PGM3: variants seen among roughly 807,000 people sequenced by gnomAD.
The protein encoded by PGM3 is phosphoacetylglucosamine mutase.
Under a neutral mutation model 66.2 loss-of-function variants are expected in PGM3, and 40 were observed. The observed-to-expected ratio is 0.60, with a 90% confidence interval of 0.47 to 0.79. PGM3 has a LOEUF of 0.79. Ranked by LOEUF, PGM3 falls within the 30% of genes least tolerant of loss-of-function variation. PGM3 has a pLI of 0.00. For synonymous variants in PGM3, 191 were observed against 224.2 expected (o/e 0.85, Z 1.32); for missense variants, 537 against 643.4 (o/e 0.83, Z 1.79).
intron 1 of PGM3, chr6:83,191,279 G>A (rs537090803): frequency 6.6e-7 from 1 of 1,517,392 alleles, no homozygotes; most frequent in South Asian, 1.2e-5. Context: ...TTTAGCTCCA[G>A]GACTATCCTG....
At chr6:83,188,254 G>A (rs868334106) in intron 3 of PGM3, among the ~76,000 whole-genome samples, 1 of 151,998 alleles carries the variant, frequency 6.6e-6, no homozygotes, top group Middle Eastern at 3.2e-3. Flanking sequence ...AGATTACAAA[G>A]TAAATCTTTA....
chr6:83,192,364 T>C (rs759644122), intron 1 of PGM3, among the ~76,000 whole-genome samples: 1 of 152,232 alleles, frequency 6.6e-6, no homozygotes, highest in Non-Finnish European at 1.5e-5. Flanking sequence ...CCTCAGTCAG[T>C]AGTTTTCCTT....
At chr6:83,175,747 T>C (rs1787716800) in intron 9 of PGM3, among the ~76,000 whole-genome samples, 1 of 152,214 alleles carries the variant, frequency 6.6e-6, no homozygotes, top group South Asian at 2.1e-4. Flanking sequence ...CAAAACACCT[T>C]AGTATATCTC....
intron 4 of PGM3, among the ~76,000 whole-genome samples, chr6:83,185,901 G>C (rs972780675): frequency 1.3e-5 from 2 of 152,164 alleles, no homozygotes; most frequent in Admixed American, 6.5e-5. Flanking sequence ...AGAGACAGAA[G>C]AGGAGCCAAC....
chr6:83,167,443 T>TA lies in PGM3; in HGVS notation c.*1790dup. 1 of 983,402 alleles carries TA rather than the reference T, an allele frequency of 1.0e-6. No individual in the cohort carries two copies. The highest frequency in any genetic ancestry group is 1.2e-6 in the Non-Finnish European group (1 of 827,636). 60.9% of individuals were successfully genotyped at this position (983,402 alleles called of 1,614,324 possible). On this transcript the variant is annotated 3_prime_UTR_variant, in exon 13 of 13. Coordinates refer to ENST00000513973, the MANE Select transcript of PGM3 (RefSeq NM_015599.3). ...ATTAACTAATTATAATAAAAGGGGATATATTATGAAATGTATAAAGCACTT... is the reference window on the plus strand; with the variant it reads ...ATTAACTAATTATAATAAAAGGGGATAATATTATGAAATGTATAAAGCACTT...
chr6:83,185,468 TAAC>T (rs1370880716), intron 4 of PGM3, among the ~76,000 whole-genome samples: 14 of 152,036 alleles, frequency 9.2e-5, no homozygotes, highest in Non-Finnish European at 1.6e-4. Flanking sequence ...TTTGATGAAT[TAAC>T]AAATGAATGA....
chr6:83,168,669 T>C lies in PGM3; in HGVS notation c.*565A>G, dbSNP rs1297442750. On this transcript the variant is annotated 3_prime_UTR_variant, in exon 13 of 13. Coordinates refer to ENST00000513973, the MANE Select transcript of PGM3 (RefSeq NM_015599.3). ...GCTGGACCATGCATCCTTAAAAGTATTGCATGAGCATCTCCACCTCAGTAT... is the reference window on the plus strand; with the variant it reads ...GCTGGACCATGCATCCTTAAAAGTACTGCATGAGCATCTCCACCTCAGTAT... 8.0e-6 allele frequency: 8 copies of C among 994,858 alleles called. No individual in the cohort carries two copies. The highest frequency in any genetic ancestry group is 9.6e-6 in the Non-Finnish European group (8 of 835,674). The allele number at this position is 994,858 out of a possible 1,614,324, so 61.6% of individuals were successfully genotyped here.
In PGM3 at chr6:83,165,308, G is replaced by A. The variant is rs1353121464; in HGVS notation, c.*3926C>T. ...AGACTGGAAGCTAAATAATTGCTAG[G>A]AAGCAAACTTAAGTGATAGCTGTTA... is the stretch of plus-strand genomic sequence containing the variant. On this transcript the variant is annotated 3_prime_UTR_variant, in exon 13 of 13. Transcript: ENST00000513973. 1 of 152,430 alleles carries A rather than the reference G, an allele frequency of 6.6e-6. No individual in the cohort carries two copies. The highest frequency in any genetic ancestry group is 2.4e-5 in the African/African-American group (1 of 41,456). 9.4% of individuals were successfully genotyped at this position (152,430 alleles called of 1,614,324 possible).
downstream of PGM3, among the ~76,000 whole-genome samples, chr6:83,160,783 G>T (rs2128412447): frequency 6.6e-6 from 1 of 152,216 alleles, no homozygotes; most frequent in South Asian, 2.1e-4. Context: ...ATTATATTGT[G>T]TCTTATTTTT....
chr6:83,156,928 G>C (rs1181079146), downstream of PGM3, among the ~76,000 whole-genome samples: 1 of 152,162 alleles, frequency 6.6e-6, no homozygotes, highest in African/African-American at 2.4e-5. Context: ...CAAAACTTTA[G>C]AGTAAACATT....
intron 10 of PGM3, among the ~76,000 whole-genome samples, chr6:83,173,401 C>T (rs1032615811): frequency 6.6e-6 from 1 of 152,136 alleles, no homozygotes; most frequent in Admixed American, 6.5e-5. Flanking sequence ...CATTCCATCA[C>T]TCATTTTTCT....
chr6:83,189,864 C>T lies in PGM3; in HGVS notation c.204+945G>A, dbSNP rs1041794963. 1.6e-4 allele frequency among the ~76,000 whole-genome samples: 24 copies of T among 152,116 alleles called. No individual in the cohort carries two copies. The East Asian group carries it at 2.5e-3, about 16-fold the overall frequency. ...ATGGTTGAATCTGGAAGACATTATG[C>T]GAAGTTAAATAAGCCAGACACATGA... On this transcript the variant is annotated intron_variant, in intron 2 of 12. Coordinates refer to ENST00000513973, the MANE Select transcript of PGM3 (RefSeq NM_015599.3).
downstream of PGM3, chr6:83,159,672 G>T: frequency 9.6e-7 from 1 of 1,042,848 alleles, no homozygotes; most frequent in Non-Finnish European, 1.4e-6. Context: ...ACCTTGCTTA[G>T]CAATTACTGG....
At chr6:83,156,244 T>C, downstream of PGM3, 1 of 682,620 alleles carries the variant, frequency 1.5e-6, no homozygotes, top group Non-Finnish European at 2.4e-6. Context: ...ACTGAAACAA[T>C]GAAAATTATC....
At chr6:83,152,896 G>T in the PGM3 span, among the ~76,000 whole-genome samples, 1 of 152,094 alleles carries the variant, frequency 6.6e-6, no homozygotes, top group East Asian at 1.9e-4. Flanking sequence ...GAGGTTACAG[G>T]CATGAGCCAC....
Position 83,170,486 on chromosome 6 carries a change from C to A in PGM3, c.1366-8G>T. On this transcript the variant is annotated splice_region_variant and splice_polypyrimidine_tract_variant and intron_variant, in intron 11 of 12. Coordinates refer to ENST00000513973, the MANE Select transcript of PGM3 (RefSeq NM_015599.3). ...AACTCTCCTGTCTGCAACCTAAGTG[C>A]AAGCATTTCATATTTGTTACTCTAT... The A allele has an allele frequency of 1.2e-6, 2 of 1,611,696 alleles. No individual in the cohort carries two copies. The highest frequency in any genetic ancestry group is 1.7e-6 in the Non-Finnish European group (2 of 1,178,026).
downstream of PGM3, among the ~76,000 whole-genome samples, chr6:83,162,138 TG>T (rs1345871051): frequency 6.6e-6 from 1 of 152,168 alleles, no homozygotes; most frequent in Non-Finnish European, 1.5e-5. Context: ...ATAAACTCTC[TG>T]GACGGACTTA....
At chr6:83,191,067 C>A in intron 1 of PGM3, 53 bp from the exon 2 acceptor site, 1 of 1,558,112 alleles carries the variant, frequency 6.4e-7, no homozygotes, top group Non-Finnish European at 8.8e-7. Flanking sequence ...TCTTAAGAAC[C>A]ATTTGCTTCA....
the PGM3 span, chr6:83,154,191 T>C: frequency 2.5e-6 from 4 of 1,613,892 alleles, no homozygotes; most frequent in Non-Finnish European, 3.4e-6. Context: ...TGGAGAGCAA[T>C]TATGGACAAT....
Sources: gnomAD v4.1 joint callset for allele counts (sites outside exome capture counted in the v4.1 genomes callset) on GRCh38, gnomAD v4.1.1 for gene constraint, MANE v1.5 for transcripts, NCBI Gene and HGNC (gene_info 2026-07-23, HGNC 2026-07-21) for gene names.